The following CSMD1 variants were observed in gnomAD, a reference collection of about 807,000 sequenced individuals.
CSMD1 encodes CUB and Sushi multiple domains 1.
In CSMD1, 213 loss-of-function variants were observed where a neutral mutation model predicts 417.5. The ratio of observed to expected loss-of-function variants is 0.51; its 90% CI spans 0.46 to 0.57. The LOEUF (loss-of-function observed/expected upper bound fraction) is 0.57, where lower values mean the gene tolerates loss of function less well. CSMD1 is among the 20% of genes least tolerant of loss of function. The probability of loss-of-function intolerance (pLI) is 0.00; values close to 1 mark genes in which losing one functional copy is unlikely to be tolerated. For synonymous variants in CSMD1, 2,862 were observed against 1,736.8 expected, an observed-to-expected ratio of 1.65 and a Z score of -16.11; for missense variants, 6,923 against 4,529.7, an observed-to-expected ratio of 1.53 and a Z score of -15.17.
intron 2 of CSMD1, among the ~76,000 whole-genome samples, chr8:4,485,452 G>A (rs1258672945): frequency 2.0e-5 from 3 of 152,134 alleles, no homozygotes; most frequent in African/African-American, 4.8e-5. Context: ...GGATTCACAA[G>A]TTCCTTCAAA....
chr8:3,236,418 A>T (rs1277982643), intron 26 of CSMD1, among the ~76,000 whole-genome samples: 1 of 152,218 alleles, frequency 6.6e-6, no homozygotes, highest in African/African-American at 2.4e-5. Flanking sequence ...TGGACTAAAA[A>T]ACCAATAAGA....
chr8:4,376,254 G>A (rs1474629706), intron 3 of CSMD1, among the ~76,000 whole-genome samples: 2 of 152,132 alleles, frequency 1.3e-5, no homozygotes, highest in African/African-American at 4.8e-5. Flanking sequence ...AATACTGATA[G>A]CATTTTCTCT....
At chr8:2,942,137 G>T (rs1020538429) in intron 69 of CSMD1, among the ~76,000 whole-genome samples, 5 of 151,950 alleles carry the variant, frequency 3.3e-5, no homozygotes, top group African/African-American at 1.2e-4. Flanking sequence ...GAGAACACAT[G>T]GACACATTGA....
In CSMD1 at chr8:4,751,395, G is replaced by GC. The variant is rs528039044; in HGVS notation, c.86-113838_86-113837insG. Among the ~76,000 whole-genome samples the GC allele has an allele frequency of 2.2e-3, 341 of 151,954 alleles. 3 individuals carry two copies. The highest frequency in any genetic ancestry group is 7.9e-3 in the African/African-American group (329 of 41,432). On this transcript the variant is annotated intron_variant, in intron 1 of 69. Transcript: ENST00000635120. ...GACAGAGCAAGACTCTGTCTCAGGG[G>GC]GGGTGGCGGGGCAGGAAAAGAGAGC...
chr8:3,981,897 A>G (rs1336625522), intron 5 of CSMD1, among the ~76,000 whole-genome samples: 1 of 152,116 alleles, frequency 6.6e-6, no homozygotes, highest in African/African-American at 2.4e-5. Flanking sequence ...GTCATACAGA[A>G]CTAGTTACAA....
chr8:3,028,746 C>T (rs142401399), intron 51 of CSMD1, among the ~76,000 whole-genome samples: 74 of 152,184 alleles, frequency 4.9e-4, no homozygotes, highest in African/African-American at 1.6e-3. Flanking sequence ...TGTTTTTATG[C>T]ATGATAATTT....
intron 3 of CSMD1, among the ~76,000 whole-genome samples, chr8:4,273,739 A>G (rs1804747878): frequency 6.6e-6 from 1 of 152,202 alleles, no homozygotes; most frequent in Non-Finnish European, 1.5e-5. Context: ...ATCTGGGTCA[A>G]AACACTGACA....
At chr8:3,714,018 C>T (rs546629862) in intron 6 of CSMD1, among the ~76,000 whole-genome samples, 11 of 87,150 alleles carry the variant, frequency 1.3e-4, no homozygotes, top group South Asian at 8.8e-4. Context: ...TGCAAGGGCT[C>T]ACTATGCAGA....
chr8:4,283,733 A>T lies in CSMD1; in HGVS notation c.415+136220T>A, dbSNP rs1234301293. Reference sequence around the variant, plus strand: ...TTTTATTCTTTTTAACTCCTCAAGGAATGCATGAGTGTTTTATCATATTAA... The same window carrying T: ...TTTTATTCTTTTTAACTCCTCAAGGTATGCATGAGTGTTTTATCATATTAA... On this transcript the variant is annotated intron_variant, in intron 3 of 69. Transcript: ENST00000635120. Among the ~76,000 whole-genome samples the T allele has an allele frequency of 2.6e-5, 4 of 152,120 alleles. No individual in the cohort carries two copies. The East Asian group carries it at 7.7e-4, about 29-fold the overall frequency.
At chr8:4,389,969 C>G (rs1354355786) in intron 3 of CSMD1, among the ~76,000 whole-genome samples, 1 of 152,124 alleles carries the variant, frequency 6.6e-6, no homozygotes, top group Non-Finnish European at 1.5e-5. Flanking sequence ...GCATGATGTA[C>G]TTGCTCATCA....
intron 2 of CSMD1, among the ~76,000 whole-genome samples, chr8:4,439,352 T>C (rs1403706605): frequency 1.3e-5 from 2 of 152,128 alleles, no homozygotes; most frequent in South Asian, 2.1e-4. Flanking sequence ...ATTAAAGAAA[T>C]TGTGAGATAT....
At chr8:4,708,116 G>C (rs965639455) in intron 1 of CSMD1, among the ~76,000 whole-genome samples, 1 of 127,530 alleles carries the variant, frequency 7.8e-6, no homozygotes, top group Non-Finnish European at 1.8e-5. Flanking sequence ...CTAATTTTTT[G>C]TATTTTTTTT....
At chr8:4,452,996 CCA>C (rs980904509) in intron 2 of CSMD1, among the ~76,000 whole-genome samples, 37 of 151,938 alleles carry the variant, frequency 2.4e-4, no homozygotes, top group South Asian at 6.2e-4. Context: ...AGACTGTTTC[CCA>C]CAGTCCTCTG....
intron 3 of CSMD1, among the ~76,000 whole-genome samples, chr8:4,372,192 A>G (rs1802437905): frequency 6.6e-6 from 1 of 152,230 alleles, no homozygotes; most frequent in African/African-American, 2.4e-5. Flanking sequence ...TTTTGTCAGT[A>G]TTAGCCATTA....
At chr8:4,673,352 T>C (rs985503927) in intron 1 of CSMD1, among the ~76,000 whole-genome samples, 2 of 152,168 alleles carry the variant, frequency 1.3e-5, no homozygotes, top group African/African-American at 2.4e-5. Flanking sequence ...CAGATCATCC[T>C]TTGAAAGGGT....
chr8:4,668,747 C>G (rs1286629102), intron 1 of CSMD1, among the ~76,000 whole-genome samples: 3 of 152,130 alleles, frequency 2.0e-5, no homozygotes, highest in South Asian at 2.1e-4. Flanking sequence ...CAACCTCTCT[C>G]TAGATAGTTT....
intron 5 of CSMD1, among the ~76,000 whole-genome samples, chr8:3,898,708 G>A (rs963491487): frequency 1.3e-5 from 2 of 152,174 alleles, no homozygotes; most frequent in Non-Finnish European, 2.9e-5. Flanking sequence ...ATGGACAGGT[G>A]TAGGAATTCC....
intron 10 of CSMD1, among the ~76,000 whole-genome samples, chr8:3,515,965 C>A (rs534608890): frequency 2.6e-5 from 4 of 152,112 alleles, no homozygotes; most frequent in Non-Finnish European, 5.9e-5. Context: ...CCAAACTGTT[C>A]GTTGCCAGTC....
At chr8:4,233,126 A>G (rs13272378) in intron 3 of CSMD1, among the ~76,000 whole-genome samples, 71,946 of 152,114 alleles carry the variant, frequency 0.47, 17,973 homozygotes, top group Non-Finnish European at 0.55. Flanking sequence ...TCACTTATCC[A>G]CAACGTTCCA....
Sources: allele counts gnomAD v4.1 joint callset (sites outside exome capture counted in the v4.1 genomes callset), GRCh38; gene constraint gnomAD v4.1.1; transcripts MANE v1.5; gene names NCBI Gene and HGNC (gene_info 2026-07-23, HGNC 2026-07-21).